Variants in LUZP2 observed in about 807,000 individuals in gnomAD.
LUZP2 encodes leucine zipper protein 2.
A neutral mutation model predicts 51.6 loss-of-function variants in LUZP2; 52 were observed. That is an observed-to-expected ratio of 1.01 (90% CI 0.81 to 1.27). LUZP2 has a LOEUF of 1.27. Ranked by LOEUF, LUZP2 falls within the 50% of genes most tolerant of loss-of-function variation. The pLI is 0.00. For missense variants in LUZP2, 436 were observed against 395.4 expected (o/e 1.10, Z -0.87); for synonymous variants, 154 against 137.3 (o/e 1.12, Z -0.85).
At chr11:24,526,053 C>G (rs1850790267) in intron 1 of LUZP2, among the ~76,000 whole-genome samples, 1 of 151,300 alleles carries the variant, frequency 6.6e-6, no homozygotes. Context: ...ATATTTTTTA[C>G]TTAAAATTTG....
chr11:24,674,523 T>C (rs1269854907), intron 1 of LUZP2, among the ~76,000 whole-genome samples: 1 of 152,196 alleles, frequency 6.6e-6, no homozygotes, highest in African/African-American at 2.4e-5. Context: ...TGGGAAGTCA[T>C]GGTGATTGCT....
chr11:24,843,273 A>G (rs1049004677), intron 5 of LUZP2, among the ~76,000 whole-genome samples: 2 of 152,118 alleles, frequency 1.3e-5, no homozygotes, highest in African/African-American at 2.4e-5. Flanking sequence ...GGGCCATTTG[A>G]TTTTAGACGT....
chr11:24,994,042 G>T (rs561122628), intron 9 of LUZP2, among the ~76,000 whole-genome samples: 84 of 152,040 alleles, frequency 5.5e-4, no homozygotes, highest in African/African-American at 2.0e-3. Context: ...TGTATTTTTA[G>T]TAAAGATGGG....
intron 5 of LUZP2, among the ~76,000 whole-genome samples, chr11:24,835,052 C>G (rs1335404178): frequency 1.3e-5 from 2 of 152,104 alleles, no homozygotes; most frequent in African/African-American, 4.8e-5. Context: ...GTTGCCTGTT[C>G]ACTCTATACC....
chr11:24,988,516 A>T (rs971321778), intron 9 of LUZP2, among the ~76,000 whole-genome samples: 1 of 152,044 alleles, frequency 6.6e-6, no homozygotes, highest in Non-Finnish European at 1.5e-5. Context: ...ATTATGAGAC[A>T]TGTTACTGAA....
intron 1 of LUZP2, among the ~76,000 whole-genome samples, chr11:24,638,106 G>A (rs1478187376): frequency 6.6e-6 from 1 of 151,742 alleles, no homozygotes; most frequent in Non-Finnish European, 1.5e-5. Flanking sequence ...AATGTTGGGG[G>A]CTGGTTCCCT....
chr11:24,660,611 G>A (rs185738822), intron 1 of LUZP2, among the ~76,000 whole-genome samples: 21 of 152,238 alleles, frequency 1.4e-4, no homozygotes, highest in Admixed American at 9.2e-4. Flanking sequence ...GATCATAAAT[G>A]TTCTTCCTGA....
At chr11:24,919,248 A>G (rs1853925145) in intron 7 of LUZP2, among the ~76,000 whole-genome samples, 1 of 90,546 alleles carries the variant, frequency 1.1e-5, no homozygotes, top group Non-Finnish European at 2.0e-5. Context: ...TATTGATAAT[A>G]TATGTTATAT....
chr11:24,859,744 C>T (rs935998201), intron 5 of LUZP2, among the ~76,000 whole-genome samples: 5 of 152,168 alleles, frequency 3.3e-5, no homozygotes, highest in East Asian at 1.9e-4. Flanking sequence ...CCACAAGGGA[C>T]GGGGGAACCC....
At chr11:24,795,060 A>T (rs1268613366) in intron 5 of LUZP2, among the ~76,000 whole-genome samples, 1 of 152,110 alleles carries the variant, frequency 6.6e-6, no homozygotes, top group Non-Finnish European at 1.5e-5. Context: ...TTCTTAACCC[A>T]TTTCACTTTC....
chr11:24,783,939 G>A (rs1471861), intron 5 of LUZP2, among the ~76,000 whole-genome samples: 121,096 of 151,526 alleles, frequency 0.8, 48,481 homozygotes, highest in East Asian at 0.86. Context: ...GAAATGAAAG[G>A]TGACACCTAT....
chr11:24,971,867 C>T (rs1855747152), intron 7 of LUZP2, among the ~76,000 whole-genome samples: 1 of 151,970 alleles, frequency 6.6e-6, no homozygotes, highest in African/African-American at 2.4e-5. Context: ...TGGCCAGGTG[C>T]AGTGGCTCAT....
At chr11:24,663,822 C>G (rs1856111083) in intron 1 of LUZP2, among the ~76,000 whole-genome samples, 1 of 152,110 alleles carries the variant, frequency 6.6e-6, no homozygotes, top group Admixed American at 6.5e-5. Context: ...ATGAGGCTTC[C>G]CCCTTCACTT....
intron 1 of LUZP2, among the ~76,000 whole-genome samples, chr11:24,685,581 T>C (rs1043395410): frequency 2.0e-5 from 3 of 152,086 alleles, no homozygotes; most frequent in Non-Finnish European, 2.9e-5. Context: ...TCAAACATTC[T>C]CCTCCTAGAA....
Position 24,611,592 on chromosome 11 carries a change from A to AT in LUZP2, c.62+114288dup, listed in dbSNP as rs562703753. On this transcript the variant is annotated intron_variant, in intron 1 of 11. Transcript: ENST00000336930. The surrounding 1 kb of genome is among the most constrained non-coding windows in gnomAD (Gnocchi z 4.6). ...GGGAGGCAGTTACTGGAAAGTAAAAATGGAACTTACGAGACTATGGAGATG... is the reference window on the plus strand; with the variant it reads ...GGGAGGCAGTTACTGGAAAGTAAAAATTGGAACTTACGAGACTATGGAGATG... 2.9e-3 allele frequency among the ~76,000 whole-genome samples: 448 copies of AT among 152,260 alleles called. 5 individuals carry two copies. The highest frequency in any genetic ancestry group is 8.8e-3 in the African/African-American group (366 of 41,558).
At chr11:24,978,476 A>G (rs1855939741) in intron 8 of LUZP2, among the ~76,000 whole-genome samples, 1 of 151,684 alleles carries the variant, frequency 6.6e-6, no homozygotes, top group African/African-American at 2.4e-5. Context: ...GTCTTCTCTG[A>G]GTTGTTACCC....
intron 9 of LUZP2, among the ~76,000 whole-genome samples, chr11:24,983,694 C>G (rs1467454855): frequency 1.3e-5 from 2 of 151,166 alleles, no homozygotes; most frequent in African/African-American, 4.9e-5. Flanking sequence ...AAGTCCACAA[C>G]TCTCAACACT....
intron 7 of LUZP2, among the ~76,000 whole-genome samples, chr11:24,921,010 A>G (rs1273858697): frequency 6.6e-6 from 1 of 152,116 alleles, no homozygotes; most frequent in East Asian, 1.9e-4. Context: ...TAATACAGTA[A>G]AAATACAATA....
intron 7 of LUZP2, among the ~76,000 whole-genome samples, chr11:24,930,306 GTTA>G (rs759355726): frequency 4.0e-5 from 6 of 151,878 alleles, no homozygotes; most frequent in Non-Finnish European, 7.4e-5. Flanking sequence ...TTTTCATTGT[GTTA>G]TTGTTGTATG....
Sources: gnomAD v4.1 joint callset for allele counts (sites outside exome capture counted in the v4.1 genomes callset) on GRCh38, gnomAD v4.1.1 for gene constraint, Gnocchi (gnomAD v3.1) non-coding constraint, MANE v1.5 for transcripts, NCBI Gene and HGNC (gene_info 2026-07-23, HGNC 2026-07-21) for gene names.